The following GRHL2 variants were observed in gnomAD, a reference collection of about 807,000 sequenced individuals.
The protein encoded by GRHL2 is grainyhead-like protein 2 homolog.
GRHL2 carries 21 observed loss-of-function variants against 83.8 expected under a neutral mutation model. That is an observed-to-expected ratio of 0.25 (90% confidence interval 0.18 to 0.36). GRHL2 has a LOEUF of 0.36. Ranked by LOEUF, GRHL2 falls within the 10% of genes least tolerant of loss-of-function variation. The probability of loss-of-function intolerance (pLI) is 1.00; values close to 1 mark genes in which losing one functional copy is unlikely to be tolerated. For missense variants in GRHL2, 623 were observed against 781.8 expected (o/e 0.80, Z 2.42); for synonymous variants, 280 against 278.9 (o/e 1.00, Z -0.04).
chr8:101,583,921 T>C (rs1812109822), intron 7 of GRHL2, among the ~76,000 whole-genome samples: 1 of 152,256 alleles, frequency 6.6e-6, no homozygotes, highest in African/African-American at 2.4e-5. Flanking sequence ...AGAATTCCTT[T>C]ACTACTTTCT....
At chr8:101,677,543 CT>C in the GRHL2 span, among the ~76,000 whole-genome samples, 1 of 151,626 alleles carries the variant, frequency 6.6e-6, no homozygotes. Flanking sequence ...AAAAATACAT[CT>C]TGAGACAGTG....
intron 8 of GRHL2, among the ~76,000 whole-genome samples, chr8:101,608,602 T>G (rs1384562319): frequency 6.6e-6 from 1 of 152,206 alleles, no homozygotes; most frequent in Admixed American, 6.5e-5. Context: ...CCATTTTTTA[T>G]TTTTCTACAT....
rs1563617004 is a variant in GRHL2, at chr8:101,632,190, A to G, written c.1346-36A>G. 3 of 1,612,070 alleles carry G rather than the reference A, an allele frequency of 1.9e-6. No individual in the cohort carries two copies. The South Asian group carries it at 3.3e-5, about 18-fold the overall frequency. On this transcript the variant is annotated intron_variant, in intron 10 of 15. Coordinates refer to ENST00000646743, the MANE Select transcript of GRHL2 (RefSeq NM_024915.4). ...AGTTGAGAGTTCTTAGTCATATATGACTCTCTCATTTATGAGTTTGTGTGA... is the reference window on the plus strand; with the variant it reads ...AGTTGAGAGTTCTTAGTCATATATGGCTCTCTCATTTATGAGTTTGTGTGA...
intron 2 of GRHL2, 176 bp downstream of exon 2, chr8:101,543,612 C>T (rs1446040401): frequency 1.5e-6 from 1 of 681,374 alleles, no homozygotes; most frequent in Non-Finnish European, 2.7e-6. Context: ...CTACAAAGCT[C>T]AACTTTATCA....
At chr8:101,650,517 T>C (rs906475220) in intron 14 of GRHL2, among the ~76,000 whole-genome samples, 59 of 152,196 alleles carry the variant, frequency 3.9e-4, no homozygotes, top group African/African-American at 1.4e-3. Context: ...TCCAGTTCTT[T>C]TGGGTATGTT....
chr8:101,531,177 A>C (rs2130081643), intron 1 of GRHL2, among the ~76,000 whole-genome samples: 1 of 148,622 alleles, frequency 6.7e-6, no homozygotes, highest in South Asian at 2.1e-4. Context: ...GTGCCACTGC[A>C]CTCCTCTAGC....
the GRHL2 span, among the ~76,000 whole-genome samples, chr8:101,679,799 C>T: frequency 6.8e-6 from 1 of 147,410 alleles, no homozygotes; most frequent in South Asian, 2.3e-4. Flanking sequence ...GAATTTTCAA[C>T]CCAGAATTTC....
intron 4 of GRHL2, among the ~76,000 whole-genome samples, chr8:101,563,904 T>A (rs1294057707): frequency 4.6e-5 from 7 of 152,206 alleles, no homozygotes; most frequent in African/African-American, 1.7e-4. Context: ...CACTGATGTA[T>A]TTTCTCACAC....
chr8:101,630,533 T>C (rs1813166350), intron 9 of GRHL2, among the ~76,000 whole-genome samples: 1 of 152,244 alleles, frequency 6.6e-6, no homozygotes, highest in Non-Finnish European at 1.5e-5. Flanking sequence ...CATTTTTGTA[T>C]TGTTAAATCT....
rs534111742 is a variant in GRHL2 at position 101,589,085 on chromosome 8, A to G, written c.1004-9972A>G. Reference sequence around the variant, plus strand: ...CGTGCCTATAACTTCTTGTCTCCACATGTACTCCCAAGAGTGTCAGTATAT... The same window carrying G: ...CGTGCCTATAACTTCTTGTCTCCACGTGTACTCCCAAGAGTGTCAGTATAT... On this transcript the variant is annotated intron_variant, in intron 7 of 15. Coordinates refer to ENST00000646743, the MANE Select transcript of GRHL2 (RefSeq NM_024915.4). Among the ~76,000 whole-genome samples the G allele has an allele frequency of 2.1e-4, 32 of 152,312 alleles. No homozygotes were observed. The Middle Eastern group carries it at 0.01, about 49-fold the overall frequency.
At chr8:101,598,963 A>G in intron 7 of GRHL2, 94 bp from the exon 8 acceptor site, 1 of 845,870 alleles carries the variant, frequency 1.2e-6, no homozygotes, top group Admixed American at 1.9e-5. Flanking sequence ...AAATAAACGA[A>G]GTTTAAATTT....
intron 1 of GRHL2, among the ~76,000 whole-genome samples, chr8:101,505,367 C>T (rs903526894): frequency 2.0e-5 from 3 of 152,014 alleles, no homozygotes; most frequent in East Asian, 1.9e-4. Flanking sequence ...CACCTTAGGT[C>T]GGGAGTTTGA....
downstream of GRHL2, among the ~76,000 whole-genome samples, chr8:101,673,892 G>T (rs1814249486): frequency 6.6e-6 from 1 of 152,158 alleles, no homozygotes; most frequent in South Asian, 2.1e-4. Flanking sequence ...TAGAACTCAG[G>T]ACTAAGAAAC....
Position 101,600,583 on chromosome 8 carries a change from G to T in GRHL2, c.1098+1432G>T, listed in dbSNP as rs534080273. ...GATTGCTGAACCTGATCGGTAAGAGGCAGTCTGTGTGACGGCACAGGACTA... is the reference window on the plus strand; with the variant it reads ...GATTGCTGAACCTGATCGGTAAGAGTCAGTCTGTGTGACGGCACAGGACTA... On this transcript the variant is annotated intron_variant, in intron 8 of 15. Transcript: ENST00000646743. Among the ~76,000 whole-genome samples, 6 of 152,298 alleles carry T rather than the reference G, an allele frequency of 3.9e-5. No homozygotes were observed. In the East Asian group the frequency reaches 1.2e-3, roughly 29 times the overall value.
intron 14 of GRHL2, among the ~76,000 whole-genome samples, chr8:101,658,244 A>AGT (rs1813841959): frequency 6.6e-6 from 1 of 152,180 alleles, no homozygotes; most frequent in African/African-American, 2.4e-5. Context: ...GCTTCTTTGT[A>AGT]CTGGATGGGG....
At chr8:101,679,488 T>C in the GRHL2 span, among the ~76,000 whole-genome samples, 1 of 149,308 alleles carries the variant, frequency 6.7e-6, no homozygotes, top group Non-Finnish European at 1.5e-5. Flanking sequence ...GGAACCAAGT[T>C]GGAAAACACT....
chr8:101,646,497 G>T (rs768100178), intron 13 of GRHL2, among the ~76,000 whole-genome samples: 3 of 152,158 alleles, frequency 2.0e-5, no homozygotes, highest in African/African-American at 7.2e-5. Context: ...CACTTTCCTC[G>T]GGAGTGATTT....
chr8:101,615,220 T>C (rs982199156), intron 8 of GRHL2, among the ~76,000 whole-genome samples: 5 of 152,226 alleles, frequency 3.3e-5, no homozygotes, highest in African/African-American at 1.2e-4. Flanking sequence ...TTATAGCATA[T>C]TGCCAGTAAG....
At position 101,635,028 on chromosome 8, in the gene GRHL2, T is replaced by C. The variant is rs572154006; in HGVS notation, c.1486-1869T>C. ...GCAGCGGCATCATCTTTTTAGATAA[T>C]GTCTACTTTGCAGGCATTAGCCTTC... is the stretch of plus-strand genomic sequence containing the variant. On this transcript the variant is annotated intron_variant, in intron 11 of 15. Transcript: ENST00000646743. Among the ~76,000 whole-genome samples, 13 of 152,296 alleles carry C rather than the reference T, an allele frequency of 8.5e-5. No homozygotes were observed. The South Asian group carries it at 2.5e-3, about 29-fold the overall frequency.
Sources: allele counts gnomAD v4.1 joint callset (sites outside exome capture counted in the v4.1 genomes callset), GRCh38; gene constraint gnomAD v4.1.1; transcripts MANE v1.5; gene names NCBI Gene and HGNC (gene_info 2026-07-23, HGNC 2026-07-21).